Variants in LIN7A observed in about 807,000 individuals in gnomAD.
LIN7A encodes protein lin-7 homolog A.
LIN7A carries 25 observed loss-of-function variants against 29.8 expected under a neutral mutation model. The ratio of observed to expected loss-of-function variants is 0.84; its 90% CI spans 0.61 to 1.17. LIN7A has a LOEUF of 1.17. Ranked by LOEUF, LIN7A falls within the 50% of genes most tolerant of loss-of-function variation. The pLI is 0.00. For missense variants in LIN7A, 239 were observed against 287.0 expected (o/e 0.83, Z 1.21); for synonymous variants, 118 against 107.5 (o/e 1.10, Z -0.60).
chr12:80,894,479 C>A (rs1875782767), intron 1 of LIN7A, among the ~76,000 whole-genome samples: 1 of 152,184 alleles, frequency 6.6e-6, no homozygotes, highest in African/African-American at 2.4e-5. Context: ...CATCACACTT[C>A]TCAGAATGGT....
At chr12:80,896,084 G>A (rs1875878760) in intron 1 of LIN7A, among the ~76,000 whole-genome samples, 1 of 152,180 alleles carries the variant, frequency 6.6e-6, no homozygotes, top group Non-Finnish European at 1.5e-5. Flanking sequence ...ATAACCTATA[G>A]TGGTCTTTTG....
intron 1 of LIN7A, among the ~76,000 whole-genome samples, chr12:80,902,517 A>G (rs1275565097): frequency 6.6e-6 from 1 of 151,956 alleles, no homozygotes; most frequent in Non-Finnish European, 1.5e-5. Context: ...TCCATTTATT[A>G]GTGCCATCTC....
At chr12:80,930,559 G>T (rs1290012810) in intron 1 of LIN7A, among the ~76,000 whole-genome samples, 1 of 152,114 alleles carries the variant, frequency 6.6e-6, no homozygotes, top group African/African-American at 2.4e-5. Flanking sequence ...TGTGTGGAGG[G>T]GGGCAATTCT....
intron 2 of LIN7A, among the ~76,000 whole-genome samples, chr12:80,880,751 GCACACA>G (rs202207302): frequency 7.2e-4 from 98 of 136,256 alleles, no homozygotes; most frequent in African/African-American, 2.4e-3. Flanking sequence ...AGGAGGCAAC[GCACACA>G]CACACACACA....
chr12:80,860,754 G>C lies in LIN7A; in HGVS notation c.202-12432C>G, dbSNP rs769352661. Among the ~76,000 whole-genome samples, 3 of 152,210 alleles carry C rather than the reference G, an allele frequency of 2.0e-5. No homozygotes were observed. In the South Asian group the frequency reaches 6.2e-4, roughly 32 times the overall value. On this transcript the variant is annotated intron_variant, in intron 2 of 5. Transcript: ENST00000552864. ...GTTCATGCCTGTTGCAGATACTCTT[G>C]ATGCCCAGCAGCACTTTCATTTCTG...
Position 80,889,335 on chromosome 12 carries a change from T to C in LIN7A, c.117A>G (p.Leu39=), listed in dbSNP as rs760204675. ...VARAIELLEK[L]QESGEVPVHK... Reference sequence around the variant, plus strand: ...GCACTGGTACTTCTCCAGATTCCTGTAGTTTTTCCAGTAATTCAATTGCTC... The same window carrying C: ...GCACTGGTACTTCTCCAGATTCCTGCAGTTTTTCCAGTAATTCAATTGCTC... The change falls in exon 2 of 6, where the codon CTA becomes CTG. Residue 39 remains leucine, a synonymous_variant. Coordinates refer to ENST00000552864, the MANE Select transcript of LIN7A (RefSeq NM_004664.4). 6.2e-7 allele frequency: 1 copy of C among 1,612,238 alleles called. No individual in the cohort carries two copies. Among genetic ancestry groups the C allele is most frequent in the South Asian group, 1.1e-5 (1 of 90,980 alleles).
chr12:80,898,040 C>A (rs1876001934), intron 1 of LIN7A, among the ~76,000 whole-genome samples: 1 of 151,992 alleles, frequency 6.6e-6, no homozygotes, highest in African/African-American at 2.4e-5. Context: ...ATTATGAAGT[C>A]TTTGCTGAAC....
At chr12:80,900,700 G>A (rs532501453) in intron 1 of LIN7A, among the ~76,000 whole-genome samples, 1 of 152,248 alleles carries the variant, frequency 6.6e-6, no homozygotes, top group South Asian at 2.1e-4. Flanking sequence ...TTTAGAGTAT[G>A]TGTTATGTCT....
chr12:80,879,606 T>G (rs1270132718), intron 2 of LIN7A, among the ~76,000 whole-genome samples: 1 of 131,624 alleles, frequency 7.6e-6, no homozygotes, highest in Non-Finnish European at 1.6e-5. Flanking sequence ...CTGGAACACT[T>G]TGCCTATGGG....
At chr12:80,807,260 CG>C (rs1194818065) in intron 5 of LIN7A, among the ~76,000 whole-genome samples, 4 of 151,630 alleles carry the variant, frequency 2.6e-5, no homozygotes, top group African/African-American at 9.7e-5. Context: ...TTAGTAGAGA[CG>C]GGGTTTCACC....
intron 1 of LIN7A, among the ~76,000 whole-genome samples, chr12:80,930,234 A>G (rs549648988): frequency 2.6e-4 from 39 of 152,340 alleles, no homozygotes; most frequent in African/African-American, 9.1e-4. Context: ...ATACTTGAAT[A>G]TAACTACAAA....
intron 2 of LIN7A, among the ~76,000 whole-genome samples, chr12:80,862,842 T>A (rs145616206): frequency 1.3e-5 from 2 of 152,166 alleles, no homozygotes; most frequent in South Asian, 4.1e-4. Context: ...GTGCATACAT[T>A]AGATGACTCA....
At chr12:80,916,171 C>T (rs1565927964) in intron 1 of LIN7A, among the ~76,000 whole-genome samples, 2 of 152,172 alleles carry the variant, frequency 1.3e-5, no homozygotes, top group African/African-American at 4.8e-5. Context: ...AACTTTCTTA[C>T]TAATCTGTCT....
At chr12:80,798,026 T>C (rs987117898) in intron 5 of LIN7A, among the ~76,000 whole-genome samples, 2 of 152,238 alleles carry the variant, frequency 1.3e-5, no homozygotes, top group Non-Finnish European at 2.9e-5. Flanking sequence ...ATTCTATTTT[T>C]CCTCATGAAG....
intron 1 of LIN7A, among the ~76,000 whole-genome samples, chr12:80,920,917 T>A (rs906213099): frequency 2.0e-5 from 3 of 152,166 alleles, no homozygotes; most frequent in Non-Finnish European, 4.4e-5. Flanking sequence ...TCCATGTACA[T>A]CTATCTGGCC....
intron 2 of LIN7A, among the ~76,000 whole-genome samples, chr12:80,867,742 C>T (rs1189155490): frequency 1.3e-5 from 2 of 152,158 alleles, no homozygotes; most frequent in East Asian, 3.9e-4. Context: ...GATGTAACAT[C>T]TTATAGTAAA....
chr12:80,822,517 C>T (rs1477928475), intron 4 of LIN7A, among the ~76,000 whole-genome samples: 6 of 152,118 alleles, frequency 3.9e-5, no homozygotes, highest in African/African-American at 7.2e-5. Flanking sequence ...AAGATCGCAC[C>T]ACTTCACTCC....
intron 2 of LIN7A, among the ~76,000 whole-genome samples, chr12:80,884,595 G>A (rs1875231919): frequency 6.6e-6 from 1 of 152,138 alleles, no homozygotes; most frequent in Non-Finnish European, 1.5e-5. Context: ...ATTGGCTAAA[G>A]CAGTTATCAT....
intron 1 of LIN7A, among the ~76,000 whole-genome samples, chr12:80,928,056 C>G (rs1334566120): frequency 6.6e-6 from 1 of 152,148 alleles, no homozygotes; most frequent in Admixed American, 6.5e-5. Context: ...TTTATGGCTG[C>G]ATAGTATTCC....
Sources: allele counts gnomAD v4.1 joint callset (sites outside exome capture counted in the v4.1 genomes callset), GRCh38; gene constraint gnomAD v4.1.1; transcripts MANE v1.5; gene names NCBI Gene and HGNC (gene_info 2026-07-23, HGNC 2026-07-21).